The following AMD1 variants were observed in gnomAD, a reference collection of about 807,000 sequenced individuals.
The protein encoded by AMD1 is S-adenosylmethionine decarboxylase proenzyme.
A neutral mutation model predicts 40.2 loss-of-function variants in AMD1; 11 were observed. The ratio of observed to expected loss-of-function variants is 0.27; its 90% CI spans 0.17 to 0.45. The LOEUF is 0.45. AMD1 is among the 20% of genes least tolerant of loss of function. The pLI is 1.00. For missense variants in AMD1, 257 were observed against 410.2 expected, an observed-to-expected ratio of 0.63 and a Z score of 3.23; for synonymous variants, 121 against 130.8, an observed-to-expected ratio of 0.93 and a Z score of 0.51.
chr6:110,815,830 T>G, the AMD1 span: 7 of 152,492 alleles, frequency 4.6e-5, no homozygotes, highest in African/African-American at 1.7e-4. Flanking sequence ...TTGGCTGCAG[T>G]GACTCGGGAG....
At chr6:110,868,271 C>G in the AMD1 span, among the ~76,000 whole-genome samples, 1 of 152,020 alleles carries the variant, frequency 6.6e-6, no homozygotes, top group Admixed American at 6.6e-5. Flanking sequence ...CCTCAGCCTC[C>G]CAAGTAGCGG....
chr6:110,857,542 T>TTA, the AMD1 span, among the ~76,000 whole-genome samples: 2 of 114,960 alleles, frequency 1.7e-5, no homozygotes, highest in East Asian at 3.5e-4. Flanking sequence ...AAAAAAAAAG[T>TTA]TATATATATA....
the AMD1 span, among the ~76,000 whole-genome samples, chr6:110,827,810 C>T: frequency 3.3e-5 from 5 of 151,842 alleles, no homozygotes; most frequent in Admixed American, 2.6e-4. Flanking sequence ...TAAAACACAC[C>T]CTCTCCATCT....
At chr6:110,891,073 C>G (rs572077881) in intron 4 of AMD1, 3 of 152,352 alleles carry the variant, frequency 2.0e-5, no homozygotes, top group African/African-American at 4.8e-5. Context: ...GCCATTCACT[C>G]TACTTTATGT....
At chr6:110,853,498 AG>A in the AMD1 span, among the ~76,000 whole-genome samples, 6 of 152,050 alleles carry the variant, frequency 3.9e-5, no homozygotes, top group Non-Finnish European at 8.8e-5. Flanking sequence ...TAGTAGAGAC[AG>A]GGTTTCACCA....
the AMD1 span, among the ~76,000 whole-genome samples, chr6:110,841,397 A>G: frequency 1.3e-5 from 2 of 152,224 alleles, no homozygotes; most frequent in African/African-American, 4.8e-5. Context: ...AGTACATTCA[A>G]TGTCCTTGTA....
At chr6:110,816,988 A>C in the AMD1 span, among the ~76,000 whole-genome samples, 2 of 152,232 alleles carry the variant, frequency 1.3e-5, no homozygotes, top group Non-Finnish European at 2.9e-5. Flanking sequence ...ATACGTAATT[A>C]AAACTTTTTC....
At chr6:110,862,330 GT>G in the AMD1 span, among the ~76,000 whole-genome samples, 405 of 102,748 alleles carry the variant, frequency 3.9e-3, 1 homozygote, top group African/African-American at 7.0e-3. Flanking sequence ...TGATTGTTCT[GT>G]TTTTTTTTTT....
chr6:110,883,159 G>A (rs992730200), intron 1 of AMD1, among the ~76,000 whole-genome samples: 3 of 152,158 alleles, frequency 2.0e-5, no homozygotes, highest in Non-Finnish European at 4.4e-5. Flanking sequence ...TACAGAAGAA[G>A]CATGCTACAC....
chr6:110,831,922 C>A, the AMD1 span, among the ~76,000 whole-genome samples: 1 of 151,902 alleles, frequency 6.6e-6, no homozygotes, highest in South Asian at 2.1e-4. Flanking sequence ...CAGCTGACTG[C>A]AACCTCAAAC....
the AMD1 span, chr6:110,814,957 G>A: frequency 1.9e-6 from 3 of 1,593,992 alleles, no homozygotes; most frequent in Non-Finnish European, 2.6e-6. Context: ...CCGCCAGGTC[G>A]CGGGCAGGGC....
Position 110,892,510 on chromosome 6 carries a change from C to T in AMD1, c.615+67C>T, listed in dbSNP as rs1786080150. 2.3e-5 allele frequency: 37 copies of T among 1,592,048 alleles called. 1 individual carries two copies. In the South Asian group the frequency reaches 3.7e-4, roughly 16 times the overall value. On this transcript the variant is annotated intron_variant, in intron 6 of 8. Coordinates refer to ENST00000368885, the MANE Select transcript of AMD1 (RefSeq NM_001634.6). Reference sequence around the variant, plus strand: ...TGGGGACTAAATTTTATTTTTCATTCTGTAACTTTTAAGTTCAGGGTAACA... The same window carrying T: ...TGGGGACTAAATTTTATTTTTCATTTTGTAACTTTTAAGTTCAGGGTAACA...
intron 4 of AMD1, chr6:110,891,702 T>C (rs556488260): frequency 5.7e-6 from 1 of 174,304 alleles, no homozygotes; most frequent in East Asian, 1.5e-4. Context: ...TCGATCCTGC[T>C]TATCTGGGAA....
chr6:110,858,388 C>T, the AMD1 span: 2 of 841,770 alleles, frequency 2.4e-6, no homozygotes, highest in South Asian at 2.7e-5. Flanking sequence ...GCCCCGACTT[C>T]CAGAAGGGCC....
At chr6:110,840,005 T>TTC in the AMD1 span, among the ~76,000 whole-genome samples, 2 of 143,150 alleles carry the variant, frequency 1.4e-5, no homozygotes, top group African/African-American at 5.1e-5. Flanking sequence ...GTTCTCAGGA[T>TTC]TCTCTCTCTT....
chr6:110,884,179 C>T (rs971126243), intron 1 of AMD1, among the ~76,000 whole-genome samples: 7 of 152,208 alleles, frequency 4.6e-5, no homozygotes, highest in African/African-American at 1.7e-4. Context: ...ACAAACCTGA[C>T]ACTGGAACCA....
At chr6:110,839,754 A>G in the AMD1 span, among the ~76,000 whole-genome samples, 1 of 152,180 alleles carries the variant, frequency 6.6e-6, no homozygotes, top group African/African-American at 2.4e-5. Flanking sequence ...GAGTGGCTGA[A>G]ATGCAGGAAG....
the AMD1 span, among the ~76,000 whole-genome samples, chr6:110,830,108 G>C: frequency 1.3e-5 from 2 of 151,920 alleles, no homozygotes; most frequent in Non-Finnish European, 2.9e-5. Flanking sequence ...TCCACCTCCT[G>C]GGTTCAAGTG....
At chr6:110,857,728 G>GTA in the AMD1 span, among the ~76,000 whole-genome samples, 3 of 123,538 alleles carry the variant, frequency 2.4e-5, no homozygotes, top group African/African-American at 1.2e-4. Flanking sequence ...TATAGATGGT[G>GTA]TGTATATATA....
Sources: gnomAD v4.1 joint callset for allele counts (sites outside exome capture counted in the v4.1 genomes callset) on GRCh38, gnomAD v4.1.1 for gene constraint, MANE v1.5 for transcripts, NCBI Gene and HGNC (gene_info 2026-07-23, HGNC 2026-07-21) for gene names.